NFU1: variants seen among roughly 807,000 people sequenced by gnomAD.
NFU1 encodes NFU1 iron-sulfur cluster scaffold.
NFU1 carries 30 observed loss-of-function variants against 32.2 expected under a neutral mutation model. The ratio of observed to expected loss-of-function variants is 0.93; its 90% CI spans 0.70 to 1.26. The LOEUF (loss-of-function observed/expected upper bound fraction) is 1.26, where lower values mean the gene tolerates loss of function less well. Among genes scored for constraint, NFU1 ranks in the 50% most tolerant of loss-of-function variants. The pLI, the probability that NFU1 is intolerant of heterozygous loss-of-function variation, is 0.00. For synonymous variants in NFU1, 112 were observed against 104.6 expected (o/e 1.07, Z -0.43); for missense variants, 306 against 306.6 (o/e 1.00, Z 0.02).
upstream of NFU1, among the ~76,000 whole-genome samples, chr2:69,438,248 C>CTTTTTTTTTT (rs373475726): frequency 6.9e-6 from 1 of 145,648 alleles, no homozygotes; most frequent in African/African-American, 2.5e-5. Flanking sequence ...TTGTTACTTG[C>CTTTTTTTTTT]TTTTTTTTTT....
chr2:69,424,400 T>C (rs969338813), intron 2 of NFU1, among the ~76,000 whole-genome samples: 1 of 151,642 alleles, frequency 6.6e-6, no homozygotes, highest in Middle Eastern at 3.2e-3. Flanking sequence ...GCAATCCTCC[T>C]ATTTAAGCCT....
At chr2:69,414,327 G>A (rs911662740) in intron 5 of NFU1, among the ~76,000 whole-genome samples, 4 of 151,864 alleles carry the variant, frequency 2.6e-5, no homozygotes, top group Non-Finnish European at 5.9e-5. Flanking sequence ...TATAATACAA[G>A]ATATTTAAGG....
intron 6 of NFU1, among the ~76,000 whole-genome samples, chr2:69,403,739 A>G (rs1672599298): frequency 6.6e-6 from 1 of 151,956 alleles, no homozygotes; most frequent in African/African-American, 2.4e-5. Context: ...TTCAGGCTGA[A>G]TATTTTCTAC....
chr2:69,418,659 C>CG lies in NFU1; in HGVS notation c.369+878dup, dbSNP rs550835393. 6.6e-4 allele frequency among the ~76,000 whole-genome samples: 100 copies of CG among 151,820 alleles called. 3 individuals carry two copies. In the South Asian group the frequency reaches 0.02, roughly 31 times the overall value. On this transcript the variant is annotated intron_variant, in intron 4 of 7. Coordinates refer to ENST00000410022, the MANE Select transcript of NFU1 (RefSeq NM_001002755.4). ...TTTTTTTTTGTATTTTTAGTAGAGA[C>CG]GGGGTTTCACCATGTTAGCCAGAAT...
At chr2:69,412,048 CA>C (rs1241760238) in intron 5 of NFU1, among the ~76,000 whole-genome samples, 2 of 151,730 alleles carry the variant, frequency 1.3e-5, no homozygotes, top group African/African-American at 4.8e-5. Context: ...CTCATCTCCA[CA>C]AAAAAAAATT....
intron 1 of NFU1, among the ~76,000 whole-genome samples, chr2:69,436,524 AAAGT>A (rs1673842743): frequency 6.6e-6 from 1 of 152,196 alleles, no homozygotes; most frequent in Non-Finnish European, 1.5e-5. Context: ...TTGTTTTTTT[AAAGT>A]AAGAGTGGAT....
At chr2:69,433,538 C>A (rs79021121) in intron 1 of NFU1, among the ~76,000 whole-genome samples, 1 of 151,866 alleles carries the variant, frequency 6.6e-6, no homozygotes, top group East Asian at 1.9e-4. Context: ...TGCAGTGATG[C>A]GATCCCAGCT....
intron 6 of NFU1, among the ~76,000 whole-genome samples, chr2:69,403,084 A>ATGTT (rs371531103): frequency 4.9e-5 from 7 of 141,918 alleles, no homozygotes; most frequent in African/African-American, 1.9e-4. Context: ...GGGTCTCACT[A>ATGTT]TGTTGCCCAG....
chr2:69,439,259 G>A (rs150550914), upstream of NFU1, among the ~76,000 whole-genome samples: 27 of 152,236 alleles, frequency 1.8e-4, no homozygotes, highest in East Asian at 1.4e-3. Context: ...TACTGTGTCC[G>A]GAATTGGTGG....
chr2:69,401,659 T>C (rs1335746786), intron 6 of NFU1, among the ~76,000 whole-genome samples: 1 of 152,182 alleles, frequency 6.6e-6, no homozygotes, highest in Non-Finnish European at 1.5e-5. Flanking sequence ...TATGAATATG[T>C]TGAGATTTAA....
At position 69,437,433 on chromosome 2, in the gene NFU1, A is replaced by C. The variant is rs987437358; in HGVS notation, c.-11T>G. On this transcript the variant is annotated 5_prime_UTR_variant, in exon 1 of 8. Coordinates refer to ENST00000410022, the MANE Select transcript of NFU1 (RefSeq NM_001002755.4). ...GGCCGTCGCCGCCATCTTAGTCCGG[A>C]GTGCCTAAGGGTCTCCCTGACAGAA... 1 of 1,610,202 alleles carries C rather than the reference A, an allele frequency of 6.2e-7. No individual in the cohort carries two copies. Among genetic ancestry groups the C allele is most frequent in the African/African-American group, 1.3e-5 (1 of 74,916 alleles).
upstream of NFU1, among the ~76,000 whole-genome samples, chr2:69,438,199 T>TA (rs1673923174): frequency 6.6e-6 from 1 of 151,856 alleles, no homozygotes; most frequent in Non-Finnish European, 1.5e-5. Context: ...ACTTTATACT[T>TA]ACTGAGGCAC....
chr2:69,407,074 G>A (rs1355258878), intron 5 of NFU1, among the ~76,000 whole-genome samples: 1 of 152,084 alleles, frequency 6.6e-6, no homozygotes, highest in Non-Finnish European at 1.5e-5. Flanking sequence ...GCTGAACTGT[G>A]AGTCAATTAA....
intron 5 of NFU1, among the ~76,000 whole-genome samples, chr2:69,413,055 G>A (rs1211619338): frequency 6.6e-6 from 1 of 151,984 alleles, no homozygotes; most frequent in Non-Finnish European, 1.5e-5. Flanking sequence ...AGCACTTTGG[G>A]AGGCTGAGGC....
At chr2:69,409,102 A>G (rs1383243025) in intron 5 of NFU1, among the ~76,000 whole-genome samples, 3 of 152,088 alleles carry the variant, frequency 2.0e-5, no homozygotes, top group Non-Finnish European at 4.4e-5. Context: ...TCGGCCTCCC[A>G]AAGTGCTGGG....
chr2:69,428,155 G>A (rs1259363278), intron 2 of NFU1, among the ~76,000 whole-genome samples: 2 of 152,000 alleles, frequency 1.3e-5, no homozygotes, highest in Non-Finnish European at 2.9e-5. Context: ...CGGGCGCAGT[G>A]GGTTATGCCT....
At chr2:69,422,007 A>G (rs1334314471) in intron 3 of NFU1, among the ~76,000 whole-genome samples, 1 of 152,188 alleles carries the variant, frequency 6.6e-6, no homozygotes, top group Non-Finnish European at 1.5e-5. Context: ...TACCTATGAT[A>G]AAGTTTAATT....
At chr2:69,415,380 T>TC in intron 4 of NFU1, 81 bp from the exon 5 acceptor site, 1 of 767,380 alleles carries the variant, frequency 1.3e-6, no homozygotes, top group East Asian at 2.7e-5. Context: ...ACCTCTTTTT[T>TC]CTTTTTTTTT....
intron 6 of NFU1, among the ~76,000 whole-genome samples, chr2:69,405,129 C>T (rs755214153): frequency 2.6e-5 from 4 of 152,052 alleles, no homozygotes; most frequent in Non-Finnish European, 4.4e-5. Context: ...TGCCTGTAAT[C>T]CCAGCTACTC....
Sources: gnomAD v4.1 joint callset for allele counts (sites outside exome capture counted in the v4.1 genomes callset) on GRCh38, gnomAD v4.1.1 for gene constraint, MANE v1.5 for transcripts, NCBI Gene and HGNC (gene_info 2026-07-23, HGNC 2026-07-21) for gene names.